SPG11: variants seen among roughly 807,000 people sequenced by gnomAD.
SPG11 encodes the protein spatacsin.
A neutral mutation model predicts 274.0 loss-of-function variants in SPG11; 222 were observed. The observed-to-expected ratio is 0.81, with a 90% CI of 0.73 to 0.91. SPG11 has a LOEUF of 0.91. Ranked by LOEUF, SPG11 falls within the 40% of genes least tolerant of loss-of-function variation. The probability of loss-of-function intolerance (pLI) is 0.00; values close to 1 mark genes in which losing one functional copy is unlikely to be tolerated. For synonymous variants in SPG11, 1,144 were observed against 1,039.7 expected (o/e 1.10, Z -1.93); for missense variants, 3,114 against 2,872.7 (o/e 1.08, Z -1.92).
Position 44,566,210 on chromosome 15 carries a change from G to A in SPG11, c.6843+7C>T, listed in dbSNP as rs1322942539. The A allele has an allele frequency of 6.2e-7, 1 of 1,613,958 alleles. No individual in the cohort carries two copies. The highest frequency in any genetic ancestry group is 1.3e-5 in the African/African-American group (1 of 74,902). ...CAAGGCCAGTCTGAAAAAAGCCTTT[G>A]GGTTACCTTGGCATAACTCTCTGCT... On this transcript the variant is annotated splice_region_variant and intron_variant, in intron 37 of 39. Coordinates refer to ENST00000261866, the MANE Select transcript of SPG11 (RefSeq NM_025137.4).
In SPG11 at chr15:44,659,204, C is replaced by T; in HGVS notation, c.542G>A (p.Arg181Lys). ...CVILHIIFPE[R>K]DAAIRVLNCF... Reference sequence around the variant, plus strand: ...GTTGAGTACTCTAATTGCAGCATCTCTTTCAGGAAATATAATATGTAGGAT... The same window carrying T: ...GTTGAGTACTCTAATTGCAGCATCTTTTTCAGGAAATATAATATGTAGGAT... Residue 181 changes from arginine to lysine, a missense_variant, in exon 3 of 40, where the codon AGA becomes AAA. Transcript: ENST00000261866. 1 of 1,614,178 alleles carries T rather than the reference C, an allele frequency of 6.2e-7. No individual in the cohort carries two copies. The highest frequency in any genetic ancestry group is 2.2e-5 in the East Asian group (1 of 44,884).
In SPG11 at chr15:44,649,155, T is replaced by C. The variant is rs1475258704; in HGVS notation, c.1457-144A>G. ...TACTGGATATCATGTACTATAATGATCTTAACTCATCATGGTTTTTCAACA... is the reference window on the plus strand; with the variant it reads ...TACTGGATATCATGTACTATAATGACCTTAACTCATCATGGTTTTTCAACA... On this transcript the variant is annotated intron_variant, in intron 6 of 39. Transcript: ENST00000261866. The C allele has an allele frequency of 8.5e-6, 6 of 708,286 alleles. No individual in the cohort carries two copies. In the East Asian group the frequency reaches 1.7e-4, roughly 20 times the overall value. The allele number at this position is 708,286 out of a possible 1,614,324, so 43.9% of individuals were successfully genotyped here. A position where few individuals can be genotyped will look rare whatever the true frequency, so the allele number is the denominator to read the frequency against.
chr15:44,573,121 G>T (rs904507639), intron 32 of SPG11, among the ~76,000 whole-genome samples: 9 of 151,554 alleles, frequency 5.9e-5, no homozygotes, highest in African/African-American at 2.2e-4. Flanking sequence ...TGAGTAGCTG[G>T]GACTACAGGT....
chr15:44,564,694 G>C lies in SPG11; in HGVS notation c.7004C>G (p.Ser2335Cys). The change falls in exon 39 of 40, where the codon TCT (serine) becomes TGT (cysteine). Residue 2335 changes from serine to cysteine, a missense_variant. Coordinates refer to ENST00000261866, the MANE Select transcript of SPG11 (RefSeq NM_025137.4). ...AAAATCGTAGGCCTCAGCCACAATA[G>C]AAGCCTTAAAAGGAGAGGTGAAGAA... is the stretch of plus-strand genomic sequence containing the variant. ...ILALPRFYQA[S>C]IVAEAYDFVP... The C allele has an allele frequency of 6.2e-7, 1 of 1,614,110 alleles. No homozygotes were observed.
At chr15:44,657,358 A>ACTTTAAAT in intron 3 of SPG11, 62 bp from the exon 4 acceptor site, 4 of 1,485,450 alleles carry the variant, frequency 2.7e-6, no homozygotes, top group Non-Finnish European at 3.7e-6. Context: ...TTTAAAGCAC[A>ACTTTAAAT]GGTTGGGAAA....
At chr15:44,639,940 G>A (rs1283271926) in intron 7 of SPG11, among the ~76,000 whole-genome samples, 1 of 152,128 alleles carries the variant, frequency 6.6e-6, no homozygotes, top group Non-Finnish European at 1.5e-5. Flanking sequence ...GTCGGGCATG[G>A]TGGCTCATGC....
chr15:44,612,118 C>T (rs2083475492), intron 17 of SPG11, among the ~76,000 whole-genome samples: 1 of 152,026 alleles, frequency 6.6e-6, no homozygotes, highest in Non-Finnish European at 1.5e-5. Context: ...CTAAAATGGT[C>T]ATTGTCTTTA....
rs1382214730 is a variant in SPG11 at position 44,592,526 on chromosome 15, G to C, written c.4636-88C>G. The C allele has an allele frequency of 3.1e-5, 26 of 846,844 alleles. No homozygotes were observed. In the East Asian group the frequency reaches 4.7e-4, roughly 15 times the overall value. 52.5% of individuals were successfully genotyped at this position (846,844 alleles called of 1,614,324 possible). A position where few individuals can be genotyped will look rare whatever the true frequency, so the allele number is the denominator to read the frequency against. The stretch of plus-strand genomic sequence containing the variant: ...TGCCAAATAAGAGAATGTTAAAAAT[G>C]CTATTAATAAGGCAGGGCACAGTGG... On this transcript the variant is annotated intron_variant, in intron 26 of 39. Transcript: ENST00000261866.
chr15:44,640,685 TATA>T (rs2084413683), intron 7 of SPG11, among the ~76,000 whole-genome samples: 2 of 152,184 alleles, frequency 1.3e-5, no homozygotes, highest in African/African-American at 4.8e-5. Flanking sequence ...GGAAACTTAA[TATA>T]TGACACTCAA....
At chr15:44,563,376 T>G (rs1171537304) in intron 39 of SPG11, 75 bp from the exon 40 acceptor site, 85 of 1,407,900 alleles carry the variant, frequency 6.0e-5, no homozygotes, top group Non-Finnish European at 8.1e-5. Context: ...TCTTACTCTG[T>G]TGCCCAGGCT....
chr15:44,639,008 T>A (rs921057621), intron 7 of SPG11, among the ~76,000 whole-genome samples: 10 of 151,232 alleles, frequency 6.6e-5, no homozygotes, highest in African/African-American at 2.5e-4. Flanking sequence ...AAAAAAATAA[T>A]AATAATAGTA....
intron 16 of SPG11, among the ~76,000 whole-genome samples, chr15:44,615,126 T>C (rs2083560373): frequency 6.6e-6 from 1 of 152,114 alleles, no homozygotes; most frequent in Admixed American, 6.6e-5. Context: ...GTCAAGTTAT[T>C]TAAAAGGTTA....
Position 44,584,008 on chromosome 15 carries a change from A to G in SPG11, c.5672T>C (p.Val1891Ala), listed in dbSNP as rs1194610371. ...CCGGCATACTCTACTTGCTTCATGC[A>G]CACAGCCATCATCCAGTAGGCGCCC... is the stretch of plus-strand genomic sequence containing the variant. ...LIGRLLDDGCVHEASRVCRYF... is the reference protein window; with the variant it reads ...LIGRLLDDGCAHEASRVCRYF... Residue 1891 changes from valine to alanine, a missense_variant, in exon 30 of 40, where the codon GTG (valine) becomes GCG (alanine). Transcript: ENST00000261866. 6.8e-6 allele frequency: 11 copies of G among 1,614,130 alleles called. No homozygotes were observed. The highest frequency in any genetic ancestry group is 9.3e-6 in the Non-Finnish European group (11 of 1,180,056).
At chr15:44,650,304 A>G (rs770646274) in intron 6 of SPG11, among the ~76,000 whole-genome samples, 1 of 152,118 alleles carries the variant, frequency 6.6e-6, no homozygotes, top group Non-Finnish European at 1.5e-5. Flanking sequence ...TGATCACTTG[A>G]GCTCAGGAGT....
chr15:44,612,975 C>T (rs1330426253), intron 17 of SPG11, among the ~76,000 whole-genome samples: 1 of 152,140 alleles, frequency 6.6e-6, no homozygotes, highest in African/African-American at 2.4e-5. Flanking sequence ...CCAGAGTAAG[C>T]CTCTACATCA....
rs2083055176 is a variant in SPG11 at position 44,596,814 on chromosome 15, G to A, written c.4131C>T (p.His1377=). The A allele has an allele frequency of 6.2e-7, 1 of 1,613,938 alleles. No homozygotes were observed. The highest frequency in any genetic ancestry group is 8.5e-7 in the Non-Finnish European group (1 of 1,179,966). The change falls in exon 24 of 40, where the codon CAC becomes CAT. Residue 1377 remains histidine (H), a synonymous_variant. Coordinates refer to ENST00000261866, the MANE Select transcript of SPG11 (RefSeq NM_025137.4). ...KANDWLQFII[H]SQLHNYHPAE... ...CTGGGTGGTAGTTGTGGAGTTGGCT[G>A]TGAATAATGAACTGCAGCCAATCAT...
chr15:44,573,046 G>C (rs554572215), intron 32 of SPG11, among the ~76,000 whole-genome samples: 80 of 149,520 alleles, frequency 5.4e-4, no homozygotes, highest in African/African-American at 1.9e-3. Flanking sequence ...GAGTGCAGTG[G>C]GGTGATCTTG....
At position 44,663,610 on chromosome 15, in the gene SPG11, G is replaced by A; in HGVS notation, c.38C>T (p.Ala13Val). ...GGCCGCGGTGCCCCAGCTACCGCCG[G>A]CGGAAGCAGCACTCGCGACCCCTTC... Reference protein sequence around the residue: ...AEEGVASAASAGGSWGTAAMG... With the variant: ...AEEGVASAASVGGSWGTAAMG... Residue 13 changes from alanine (A) to valine (V), a missense_variant, in exon 1 of 40, where the codon GCC becomes GTC. Transcript: ENST00000261866. The A allele has an allele frequency of 1.3e-6, 2 of 1,596,448 alleles. No individual in the cohort carries two copies. Among genetic ancestry groups the A allele is most frequent in the Non-Finnish European group, 1.7e-6 (2 of 1,175,732 alleles).
chr15:44,596,031 A>G, intron 25 of SPG11, 52 bp downstream of exon 25: 1 of 1,606,608 alleles, frequency 6.2e-7, no homozygotes, highest in Admixed American at 1.7e-5. Context: ...GTCCCTCATT[A>G]CTTATTCTAT....
Sources: gnomAD v4.1 joint callset for allele counts (sites outside exome capture counted in the v4.1 genomes callset) on GRCh38, gnomAD v4.1.1 for gene constraint, MANE v1.5 for transcripts, NCBI Gene and HGNC (gene_info 2026-07-23, HGNC 2026-07-21) for gene names.